Variants in GALNT13 observed in about 807,000 individuals in gnomAD.
The protein encoded by GALNT13 is UDP-GalNAc:polypeptide N-acetylgalactosaminyltransferase 13.
In GALNT13, 28 loss-of-function variants were observed where a neutral mutation model predicts 64.2. The observed-to-expected ratio is 0.44, with a 90% CI of 0.32 to 0.60. GALNT13 has a LOEUF of 0.60. Among genes scored for constraint, GALNT13 ranks in the 20% least tolerant of loss-of-function variants. GALNT13 has a pLI of 0.05. For missense variants in GALNT13, 577 were observed against 669.8 expected, an observed-to-expected ratio of 0.86 and a Z score of 1.53; for synonymous variants, 214 against 224.6, an observed-to-expected ratio of 0.95 and a Z score of 0.42.
At chr2:154,031,905 A>G (rs1426014541) in intron 3 of GALNT13, among the ~76,000 whole-genome samples, 1 of 151,984 alleles carries the variant, frequency 6.6e-6, no homozygotes, top group Non-Finnish European at 1.5e-5. Flanking sequence ...CACAATAAGC[A>G]CGATCAGCCA....
chr2:154,354,776 T>C (rs1486058820), intron 9 of GALNT13, among the ~76,000 whole-genome samples: 1 of 152,056 alleles, frequency 6.6e-6, no homozygotes, highest in Non-Finnish European at 1.5e-5. Flanking sequence ...CACCGGTCGA[T>C]GTTTCTGTTT....
At chr2:154,220,459 T>C (rs1341179959) in intron 4 of GALNT13, among the ~76,000 whole-genome samples, 1 of 152,124 alleles carries the variant, frequency 6.6e-6, no homozygotes, top group East Asian at 1.9e-4. Flanking sequence ...TCTAAAGTCA[T>C]GTTCTACTAG....
chr2:153,624,486 G>A, the GALNT13 span, among the ~76,000 whole-genome samples: 51 of 152,126 alleles, frequency 3.4e-4, no homozygotes, highest in Admixed American at 2.6e-4. Context: ...ATACACCTTG[G>A]CCTCTTGCTT....
chr2:154,218,615 G>A (rs1178038102), intron 4 of GALNT13, among the ~76,000 whole-genome samples: 1 of 152,046 alleles, frequency 6.6e-6, no homozygotes, highest in Non-Finnish European at 1.5e-5. Context: ...TCCATGTTGG[G>A]AAATCCAGCA....
At chr2:153,721,855 A>T in the GALNT13 span, among the ~76,000 whole-genome samples, 1 of 151,482 alleles carries the variant, frequency 6.6e-6, no homozygotes, top group African/African-American at 2.4e-5. Context: ...CACAATAATA[A>T]TCGGAGACTT....
intron 1 of GALNT13, among the ~76,000 whole-genome samples, chr2:153,894,556 AAGAG>A (rs1180954892): frequency 2.0e-5 from 3 of 151,974 alleles, no homozygotes; most frequent in African/African-American, 7.2e-5. Context: ...GTCAAATTAA[AAGAG>A]AGAGAGAGAT....
the GALNT13 span, among the ~76,000 whole-genome samples, chr2:153,708,905 T>C: frequency 2.0e-5 from 3 of 151,974 alleles, no homozygotes; most frequent in Non-Finnish European, 2.9e-5. Context: ...TCTTCAATAA[T>C]TGGTGTGGGA....
intron 1 of GALNT13, among the ~76,000 whole-genome samples, chr2:153,884,152 A>G (rs1686974188): frequency 6.6e-6 from 1 of 152,096 alleles, no homozygotes; most frequent in Non-Finnish European, 1.5e-5. Flanking sequence ...AAGATAACCA[A>G]CAAGAGGAAT....
At chr2:154,339,835 T>A (rs16836609) in intron 9 of GALNT13, among the ~76,000 whole-genome samples, 17,518 of 152,094 alleles carry the variant, frequency 0.12, 1,606 homozygotes, top group East Asian at 0.5. Flanking sequence ...TTTTCTCAAA[T>A]TGATGGCTTA....
At chr2:154,410,294 G>C (rs1009457855) in intron 11 of GALNT13, among the ~76,000 whole-genome samples, 2 of 151,878 alleles carry the variant, frequency 1.3e-5, no homozygotes, top group Non-Finnish European at 2.9e-5. Flanking sequence ...ACTATAAGAG[G>C]ACTAAATGTG....
chr2:153,480,717 G>C, the GALNT13 span, among the ~76,000 whole-genome samples: 1 of 152,078 alleles, frequency 6.6e-6, no homozygotes, highest in Non-Finnish European at 1.5e-5. Flanking sequence ...TGAGATGAAT[G>C]GTAGAGAAAA....
the GALNT13 span, among the ~76,000 whole-genome samples, chr2:153,693,502 T>C: frequency 1.3e-5 from 2 of 152,080 alleles, no homozygotes; most frequent in African/African-American, 4.8e-5. Context: ...GAGGCAGATC[T>C]CAATTGATTT....
chr2:154,272,949 A>C (rs1203202502), intron 8 of GALNT13, among the ~76,000 whole-genome samples: 2 of 152,142 alleles, frequency 1.3e-5, no homozygotes, highest in Admixed American at 1.3e-4. Flanking sequence ...TTGATTAATG[A>C]GCTACAACTG....
chr2:153,800,045 G>GCTCTCTCTCTCTCTCTCTCTCT, the GALNT13 span, among the ~76,000 whole-genome samples: 924 of 118,902 alleles, frequency 7.8e-3, 21 homozygotes, highest in Middle Eastern at 0.015. Flanking sequence ...CATTTAGTTT[G>GCTCTCTCTCTCTCTCTCTCTCT]CTCTCTCTCT....
At chr2:154,348,024 T>A (rs1478577048) in intron 9 of GALNT13, among the ~76,000 whole-genome samples, 2 of 152,218 alleles carry the variant, frequency 1.3e-5, no homozygotes, top group African/African-American at 4.8e-5. Flanking sequence ...ATTATCAAAC[T>A]TTACTAAGAA....
chr2:153,527,801 GT>G, the GALNT13 span, among the ~76,000 whole-genome samples: 1 of 152,178 alleles, frequency 6.6e-6, no homozygotes, highest in Non-Finnish European at 1.5e-5. Flanking sequence ...AGGGCATACA[GT>G]TTTTATTGGT....
chr2:154,226,583 T>C (rs865820864), intron 4 of GALNT13, among the ~76,000 whole-genome samples: 9 of 151,038 alleles, frequency 6.0e-5, no homozygotes, highest in Admixed American at 6.0e-4. Flanking sequence ...AATCTTTTAA[T>C]TGACACTTAA....
In GALNT13 at chr2:154,027,421, G is replaced by T. The variant is rs74689983; in HGVS notation, c.142+82782G>T. Among the ~76,000 whole-genome samples the T allele has an allele frequency of 2.4e-3, 363 of 152,184 alleles. 8 individuals are homozygous for T. In the East Asian group the frequency reaches 0.055, roughly 23 times the overall value. Reference sequence around the variant, plus strand: ...TGATCATTTTTAAAAAATGATCCCTGACTAGAGATAGCATGAGATTAGCAG... The same window carrying T: ...TGATCATTTTTAAAAAATGATCCCTTACTAGAGATAGCATGAGATTAGCAG... On this transcript the variant is annotated intron_variant, in intron 3 of 12. Coordinates refer to ENST00000392825, the MANE Select transcript of GALNT13 (RefSeq NM_052917.4).
At chr2:154,236,087 CAG>C in intron 4 of GALNT13, 1 of 1,195,648 alleles carries the variant, frequency 8.4e-7, no homozygotes, top group Non-Finnish European at 1.1e-6. Flanking sequence ...ATCCAGATGA[CAG>C]AAGAGATTGT....
Sources: allele counts gnomAD v4.1 joint callset (sites outside exome capture counted in the v4.1 genomes callset), GRCh38; gene constraint gnomAD v4.1.1; transcripts MANE v1.5; gene names NCBI Gene and HGNC (gene_info 2026-07-23, HGNC 2026-07-21).